Variants in MYO9A observed in about 807,000 individuals in gnomAD.
The protein encoded by MYO9A is myosin IXA, also known as unconventional myosin-IXa.
A neutral mutation model predicts 293.3 loss-of-function variants in MYO9A; 103 were observed. That is an observed-to-expected ratio of 0.35 (90% CI 0.30 to 0.41). The LOEUF (loss-of-function observed/expected upper bound fraction) is 0.41, where lower values mean the gene tolerates loss of function less well. Among genes scored for constraint, MYO9A ranks in the 10% least tolerant of loss-of-function variants. The pLI is 1.00. For synonymous variants in MYO9A, 1,001 were observed against 1,035.7 expected (o/e 0.97, Z 0.64); for missense variants, 2,685 against 3,033.0 (o/e 0.89, Z 2.69).
At chr15:71,957,029 T>C (rs1001266433) in intron 14 of MYO9A, among the ~76,000 whole-genome samples, 2 of 152,142 alleles carry the variant, frequency 1.3e-5, no homozygotes, top group Non-Finnish European at 2.9e-5. Flanking sequence ...TCTCTACTTG[T>C]TGGCTATTAG....
chr15:72,057,288 A>T (rs920505759), intron 1 of MYO9A, among the ~76,000 whole-genome samples: 4 of 152,158 alleles, frequency 2.6e-5, no homozygotes, highest in East Asian at 1.9e-4. Flanking sequence ...AATTAAAAAT[A>T]AAAAAAACTT....
intron 39 of MYO9A, among the ~76,000 whole-genome samples, chr15:71,844,379 G>C (rs879053391): frequency 6.6e-6 from 1 of 152,144 alleles, no homozygotes; most frequent in Admixed American, 6.5e-5. Flanking sequence ...TTTTTTCTAA[G>C]AATGATATTC....
chr15:71,873,053 C>T (rs1170100216), intron 32 of MYO9A, among the ~76,000 whole-genome samples: 1 of 152,052 alleles, frequency 6.6e-6, no homozygotes, highest in Non-Finnish European at 1.5e-5. Flanking sequence ...GCTGGGATTA[C>T]AGGCGCCCAT....
At chr15:71,908,206 T>C (rs1285077925) in intron 19 of MYO9A, among the ~76,000 whole-genome samples, 3 of 152,242 alleles carry the variant, frequency 2.0e-5, no homozygotes, top group Non-Finnish European at 4.4e-5. Flanking sequence ...TAGGGAATCC[T>C]TTCCCCATTG....
chr15:72,037,715 C>T (rs575841402), intron 2 of MYO9A, among the ~76,000 whole-genome samples: 1 of 152,168 alleles, frequency 6.6e-6, no homozygotes, highest in African/African-American at 2.4e-5. Flanking sequence ...AAGAAAACAA[C>T]CACAAACCTT....
intron 35 of MYO9A, among the ~76,000 whole-genome samples, chr15:71,853,681 G>C (rs2055749242): frequency 1.3e-5 from 2 of 152,202 alleles, no homozygotes; most frequent in South Asian, 4.1e-4. Flanking sequence ...GTGGTAAAAT[G>C]TAGAAGTTGA....
At chr15:72,054,195 T>G (rs2078652162) in intron 1 of MYO9A, among the ~76,000 whole-genome samples, 1 of 152,214 alleles carries the variant, frequency 6.6e-6, no homozygotes, top group Non-Finnish European at 1.5e-5. Flanking sequence ...AAACATCTCT[T>G]AAGGGTTTTT....
intron 1 of MYO9A, among the ~76,000 whole-genome samples, chr15:72,091,136 C>T (rs1221873623): frequency 6.6e-6 from 1 of 151,628 alleles, no homozygotes; most frequent in African/African-American, 2.4e-5. Flanking sequence ...GAGTTCAAGG[C>T]TGCAGTAAGC....
chr15:71,827,113 G>T, intron 41 of MYO9A, 70 bp from the exon 42 acceptor site: 1 of 1,182,244 alleles, frequency 8.5e-7, no homozygotes, highest in Non-Finnish European at 1.2e-6. Context: ...ATAATGAATA[G>T]ATGCCACTGT....
chr15:72,030,727 T>C (rs2077837582), intron 3 of MYO9A, among the ~76,000 whole-genome samples: 2 of 152,160 alleles, frequency 1.3e-5, no homozygotes, highest in Admixed American at 6.6e-5. Context: ...TTTTACCATG[T>C]TGGCCAGGTG....
intron 2 of MYO9A, among the ~76,000 whole-genome samples, chr15:72,034,425 A>T (rs35886932): frequency 0.013 from 1,918 of 152,334 alleles, 58 homozygotes; most frequent in Admixed American, 0.058. Context: ...AAATGCAAAG[A>T]TTCATAAAAA....
At chr15:72,111,486 T>TA (rs200759527) in intron 1 of MYO9A, among the ~76,000 whole-genome samples, 36,224 of 142,284 alleles carry the variant, frequency 0.25, 4,536 homozygotes, top group East Asian at 0.41. Context: ...GAGATTGTCT[T>TA]AAAAAAAAAA....
chr15:72,104,228 T>G (rs1342710044), intron 1 of MYO9A, among the ~76,000 whole-genome samples: 1 of 152,212 alleles, frequency 6.6e-6, no homozygotes, highest in Admixed American at 6.5e-5. Flanking sequence ...TGCCAGATGA[T>G]TCTGTCCAAC....
At chr15:72,009,761 T>C (rs954016624) in intron 7 of MYO9A, among the ~76,000 whole-genome samples, 73 of 152,076 alleles carry the variant, frequency 4.8e-4, no homozygotes, top group Admixed American at 4.6e-4. Context: ...TCAGCACGAC[T>C]CTCCCCTTCA....
chr15:72,101,472 T>C (rs1596576098), intron 1 of MYO9A, among the ~76,000 whole-genome samples: 1 of 92,850 alleles, frequency 1.1e-5, no homozygotes, highest in Non-Finnish European at 2.2e-5. Context: ...GGTGGCGGGG[T>C]CAGCCCCCCG....
chr15:71,994,611 C>T (rs746388734), intron 9 of MYO9A, 26 bp from the exon 10 acceptor site: 2 of 1,387,602 alleles, frequency 1.4e-6, no homozygotes, highest in Non-Finnish European at 2.0e-6. Flanking sequence ...ATTACAAGTG[C>T]ATGTAGAATT....
chr15:72,083,447 A>C (rs995920519), intron 1 of MYO9A, among the ~76,000 whole-genome samples: 2 of 152,120 alleles, frequency 1.3e-5, no homozygotes, highest in African/African-American at 4.8e-5. Context: ...AATTTTTTCA[A>C]AAAACCAAAT....
intron 18 of MYO9A, among the ~76,000 whole-genome samples, chr15:71,928,417 GC>G (rs2058386250): frequency 6.6e-6 from 1 of 151,490 alleles, no homozygotes; most frequent in Admixed American, 6.6e-5. Context: ...GATTGCTTTG[GC>G]TATTTGGGGT....
chr15:71,867,595 T>TA (rs765961606), intron 32 of MYO9A, among the ~76,000 whole-genome samples: 3,367 of 125,402 alleles, frequency 0.027, 77 homozygotes, highest in Admixed American at 0.08. Flanking sequence ...AGACTGCAGT[T>TA]AAAAAAAAAA....
Sources: gnomAD v4.1 joint callset for allele counts (sites outside exome capture counted in the v4.1 genomes callset) on GRCh38, gnomAD v4.1.1 for gene constraint, MANE v1.5 for transcripts, NCBI Gene and HGNC (gene_info 2026-07-23, HGNC 2026-07-21) for gene names.